Variants in PANX1 observed in about 807,000 individuals in gnomAD.
The protein encoded by PANX1 is pannexin 1, also known as pannexin-1.
Under a neutral mutation model 38.7 loss-of-function variants are expected in PANX1, and 30 were observed. That is an observed-to-expected ratio of 0.78 (90% CI 0.58 to 1.05). PANX1 has a LOEUF of 1.05. PANX1 is among the 50% of genes least tolerant of loss of function. The pLI, the probability that PANX1 is intolerant of heterozygous loss-of-function variation, is 0.00. For synonymous variants in PANX1, 230 were observed against 212.2 expected (o/e 1.08, Z -0.73); for missense variants, 551 against 517.2 (o/e 1.07, Z -0.63).
Position 94,178,588 on chromosome 11 carries a change from C to A in PANX1, c.541C>A (p.Gln181Lys). The A allele has an allele frequency of 6.2e-7, 1 of 1,611,874 alleles. No homozygotes were observed. The highest frequency in any genetic ancestry group is 8.5e-7 in the Non-Finnish European group (1 of 1,178,084). ...SVPGVTENLGQSLWEVSESHF... is the reference protein window; with the variant it reads ...SVPGVTENLGKSLWEVSESHF... The stretch of plus-strand genomic sequence containing the variant: ...TCCAGGTGTTACCGAGAACTTAGGG[C>A]AAAGGTAACTTAGCCCCAGCAGGCA... The change falls in exon 3 of 5, where the codon CAA becomes AAA. Residue 181 changes from glutamine to lysine, a missense_variant. Gln to Lys is a moderately conservative substitution (Grantham distance 53). Coordinates refer to ENST00000227638, the MANE Select transcript of PANX1 (RefSeq NM_015368.4).
rs1358358916 is a variant in PANX1, at chr11:94,129,361, C to G, written c.49C>G (p.Leu17Val). ...ATEYVFSDFL[L>V]KEPTEPKFKG... ...GGAGTACGTGTTCTCGGATTTCTTGCTGAAGGAGCCCACGGAGCCCAAGTT... is the reference window on the plus strand; with the variant it reads ...GGAGTACGTGTTCTCGGATTTCTTGGTGAAGGAGCCCACGGAGCCCAAGTT... Residue 17 changes from leucine (L) to valine (V), a missense_variant, in exon 1 of 5, where the codon CTG becomes GTG. By Grantham distance (32) the Leu-to-Val change is conservative (BLOSUM62 1). Coordinates refer to ENST00000227638, the MANE Select transcript of PANX1 (RefSeq NM_015368.4). The G allele has an allele frequency of 5.0e-6, 8 of 1,613,722 alleles. No individual in the cohort carries two copies. Among genetic ancestry groups the G allele is most frequent in the Admixed American group, 1.7e-5 (1 of 59,968 alleles).
intron 2 of PANX1, among the ~76,000 whole-genome samples, chr11:94,167,431 C>T (rs776944654): frequency 6.6e-6 from 1 of 152,112 alleles, no homozygotes; most frequent in African/African-American, 2.4e-5. Flanking sequence ...GGGTTCAATT[C>T]AGCCATTTTG....
intron 2 of PANX1, among the ~76,000 whole-genome samples, chr11:94,163,467 A>G (rs1387091939): frequency 6.6e-6 from 1 of 152,138 alleles, no homozygotes; most frequent in Non-Finnish European, 1.5e-5. Context: ...CTTTTTTGGC[A>G]TCTATGGAAA....
intron 2 of PANX1, among the ~76,000 whole-genome samples, chr11:94,169,122 A>G (rs1008990678): frequency 1.3e-5 from 2 of 151,564 alleles, no homozygotes; most frequent in South Asian, 2.1e-4. Flanking sequence ...AGCTATAGAT[A>G]TGGCAGATTG....
intron 1 of PANX1, among the ~76,000 whole-genome samples, chr11:94,137,897 G>T: frequency 2.6e-5 from 1 of 38,944 alleles, no homozygotes; most frequent in East Asian, 6.8e-4. Flanking sequence ...TCAAGGCCAT[G>T]TTACCATGTT....
rs1432476515 is a variant in PANX1 at position 94,178,477 on chromosome 11, G to C, written c.430G>C (p.Glu144Gln). The C allele has an allele frequency of 6.2e-7, 1 of 1,614,108 alleles. No individual in the cohort carries two copies. Among genetic ancestry groups the C allele is most frequent in the Admixed American group, 1.7e-5 (1 of 60,020 alleles). ...TTGCTCAGACTTGAAGTTTATCATGGAAGAACTTGACAAAGTTTACAACCG... is the reference window on the plus strand; with the variant it reads ...TTGCTCAGACTTGAAGTTTATCATGCAAGAACTTGACAAAGTTTACAACCG... Reference protein sequence around the residue: ...HICSDLKFIMEELDKVYNRAI... With the variant: ...HICSDLKFIMQELDKVYNRAI... Residue 144 changes from glutamate to glutamine, a missense_variant, in exon 3 of 5, where the codon GAA becomes CAA. Physicochemically the swap from Glu to Gln is conservative, Grantham distance 29 (BLOSUM62 2). Coordinates refer to ENST00000227638, the MANE Select transcript of PANX1 (RefSeq NM_015368.4).
At chr11:94,134,728 C>A (rs1836557500) in intron 1 of PANX1, among the ~76,000 whole-genome samples, 1 of 150,890 alleles carries the variant, frequency 6.6e-6, no homozygotes, top group African/African-American at 2.4e-5. Flanking sequence ...CTTCTTCCCT[C>A]TTCCTCTCTC....
chr11:94,129,536 G>T (rs367864274), intron 1 of PANX1, 43 bp downstream of exon 1: 10 of 1,545,410 alleles, frequency 6.5e-6, no homozygotes, highest in Admixed American at 1.8e-5. Context: ...GCCCCGGTCT[G>T]GCCCGGTGAG....
Position 94,153,643 on chromosome 11 carries a change from A to G in PANX1, c.321+13A>G, listed in dbSNP as rs1024374416. ...GTGGCTGCATAAGGTAAAGGGAGAC[A>G]TTTCCAAATAGAACCTGTTTGCTTT... On this transcript the variant is annotated intron_variant, in intron 2 of 4. Coordinates refer to ENST00000227638, the MANE Select transcript of PANX1 (RefSeq NM_015368.4). 1 of 1,610,570 alleles carries G rather than the reference A, an allele frequency of 6.2e-7. No individual in the cohort carries two copies. Among genetic ancestry groups the G allele is most frequent in the African/African-American group, 1.3e-5 (1 of 74,810 alleles).
chr11:94,162,131 T>TG (rs1402760784), intron 2 of PANX1, among the ~76,000 whole-genome samples: 1 of 152,134 alleles, frequency 6.6e-6, no homozygotes, highest in Non-Finnish European at 1.5e-5. Flanking sequence ...CTGCCCCTAC[T>TG]GGGGGGTGCC....
rs770469321 is a variant in PANX1 at position 94,178,357 on chromosome 11, CTT to C, written c.322-11_322-10del. 7 of 1,607,596 alleles carry C rather than the reference CTT, an allele frequency of 4.4e-6. No homozygotes were observed. Among genetic ancestry groups the C allele is most frequent in the South Asian group, 2.2e-5 (2 of 90,944 alleles). On this transcript the variant is annotated splice_polypyrimidine_tract_variant and intron_variant, in intron 2 of 4. Coordinates refer to ENST00000227638, the MANE Select transcript of PANX1 (RefSeq NM_015368.4). Reference sequence around the variant, plus strand: ...GTTTGTTAAGCCCATGATTTGTTCTCTTGTTTTTCAGTTTTTCCCCTACATCC... The same window carrying C: ...GTTTGTTAAGCCCATGATTTGTTCTCGTTTTTCAGTTTTTCCCCTACATCC...
At chr11:94,140,170 A>G (rs1220371880) in intron 1 of PANX1, among the ~76,000 whole-genome samples, 1 of 152,272 alleles carries the variant, frequency 6.6e-6, no homozygotes, top group African/African-American at 2.4e-5. Flanking sequence ...TGCTTCAGCT[A>G]ATGAGACAGG....
At chr11:94,177,039 T>C (rs1379237984) in intron 2 of PANX1, among the ~76,000 whole-genome samples, 1 of 151,704 alleles carries the variant, frequency 6.6e-6, no homozygotes, top group Non-Finnish European at 1.5e-5. Flanking sequence ...CCATCAATTA[T>C]CTCCTTTAAT....
chr11:94,129,000 G>T lies in PANX1; in HGVS notation c.-313G>T, dbSNP rs577153030. On this transcript the variant is annotated 5_prime_UTR_variant, in exon 1 of 5. Transcript: ENST00000227638. The stretch of plus-strand genomic sequence containing the variant: ...GTGGTTCCCGCGCCTGGGGGTGCGC[G>T]GGAGAGGCGCGAATCCGAGTGCCGC... The T allele has an allele frequency of 2.0e-4, 44 of 221,948 alleles. No individual in the cohort carries two copies. The highest frequency in any genetic ancestry group is 9.6e-4 in the African/African-American group (42 of 43,754). 13.7% of individuals were successfully genotyped at this position (221,948 alleles called of 1,614,324 possible). A position where few individuals can be genotyped will look rare whatever the true frequency, so the allele number is the denominator to read the frequency against.
intron 1 of PANX1, among the ~76,000 whole-genome samples, chr11:94,150,793 C>A (rs2134490892): frequency 6.6e-6 from 1 of 152,256 alleles, no homozygotes; most frequent in Admixed American, 6.5e-5. Context: ...TGATGTGTTT[C>A]TTTTTCTAGA....
chr11:94,147,103 T>C (rs1946836191), intron 1 of PANX1, among the ~76,000 whole-genome samples: 1 of 152,206 alleles, frequency 6.6e-6, no homozygotes, highest in Non-Finnish European at 1.5e-5. Flanking sequence ...ATATCAGATT[T>C]CATTGTAATA....
In PANX1 at chr11:94,157,851, C is replaced by T. The variant is rs555348463; in HGVS notation, c.321+4221C>T. 1.3e-4 allele frequency among the ~76,000 whole-genome samples: 20 copies of T among 152,252 alleles called. No individual in the cohort carries two copies. In the East Asian group the frequency reaches 3.5e-3, roughly 26 times the overall value. On this transcript the variant is annotated intron_variant, in intron 2 of 4. Coordinates refer to ENST00000227638, the MANE Select transcript of PANX1 (RefSeq NM_015368.4). The stretch of plus-strand genomic sequence containing the variant: ...TCCTGAATGGTATTGCCTAGGTTTT[C>T]TTCTAGGGTTTTTATGGTTTTAGGT...
chr11:94,150,345 A>G (rs900159972), intron 1 of PANX1, among the ~76,000 whole-genome samples: 1 of 152,188 alleles, frequency 6.6e-6, no homozygotes, highest in African/African-American at 2.4e-5. Context: ...GAGCTCTAGG[A>G]TGAATAACTT....
intron 1 of PANX1, among the ~76,000 whole-genome samples, chr11:94,145,824 C>T (rs554731929): frequency 2.0e-5 from 3 of 152,284 alleles, no homozygotes; most frequent in African/African-American, 4.8e-5. Context: ...CCAGGATTCT[C>T]ACTGTGAAAG....
Sources: allele counts gnomAD v4.1 joint callset (sites outside exome capture counted in the v4.1 genomes callset), GRCh38; gene constraint gnomAD v4.1.1; transcripts MANE v1.5; gene names NCBI Gene and HGNC (gene_info 2026-07-23, HGNC 2026-07-21).